CCDC172: variants seen among roughly 807,000 people sequenced by gnomAD.
CCDC172 encodes the protein coiled-coil domain-containing protein 172.
CCDC172 carries 30 observed loss-of-function variants against 38.0 expected under a neutral mutation model. That is an observed-to-expected ratio of 0.79 (90% CI 0.59 to 1.07). The LOEUF is 1.07. CCDC172 is among the 50% of genes least tolerant of loss of function. The pLI, the probability that CCDC172 is intolerant of heterozygous loss-of-function variation, is 0.00. For synonymous variants in CCDC172, 78 were observed against 88.3 expected (o/e 0.88, Z 0.66); for missense variants, 297 against 290.1 (o/e 1.02, Z -0.17).
chr10:116,360,668 A>G (rs1161647945), intron 7 of CCDC172, among the ~76,000 whole-genome samples: 1 of 152,086 alleles, frequency 6.6e-6, no homozygotes. Context: ...TGGAAAGGCA[A>G]ACTGGGAAAT....
intron 2 of CCDC172, 81 bp downstream of exon 2, chr10:116,325,171 A>G: frequency 1.3e-6 from 2 of 1,527,422 alleles, no homozygotes; most frequent in South Asian, 1.1e-5. Context: ...TCCCGAAGGC[A>G]GTGGTCAGAG....
intron 5 of CCDC172, among the ~76,000 whole-genome samples, chr10:116,343,501 T>C (rs1277051416): frequency 6.9e-6 from 1 of 144,474 alleles, no homozygotes; most frequent in East Asian, 2.0e-4. Flanking sequence ...CCTATTTCCC[T>C]TCTCTGATCA....
At chr10:116,354,610 G>A (rs932394466) in intron 5 of CCDC172, among the ~76,000 whole-genome samples, 8 of 152,250 alleles carry the variant, frequency 5.3e-5, no homozygotes, top group East Asian at 1.9e-4. Flanking sequence ...TGTAGTCCCA[G>A]CTACTTGGGA....
At chr10:116,325,143 G>T (rs1047759572) in intron 2 of CCDC172, 53 bp downstream of exon 2, 40 of 1,574,782 alleles carry the variant, frequency 2.5e-5, no homozygotes, top group Non-Finnish European at 2.4e-5. Context: ...GATGCTGGGT[G>T]CTTGGAGCAG....
chr10:116,333,286 T>G (rs1844688858), intron 3 of CCDC172, among the ~76,000 whole-genome samples: 2 of 152,160 alleles, frequency 1.3e-5, no homozygotes, highest in Admixed American at 6.6e-5. Context: ...CTGTTCTCAT[T>G]TTCTTGAATA....
rs868051108 is a variant in CCDC172, at chr10:116,342,060, G to A, written c.307G>A (p.Glu103Lys). Residue 103 changes from glutamate (E) to lysine (K), a missense_variant, in exon 5 of 9, where the codon GAG (glutamate) becomes AAG (lysine). Physicochemically the swap from Glu to Lys is moderately conservative, Grantham distance 56. Transcript: ENST00000333254. ...TFEAIKKQMI[E>K]EEDKFIKEIT... ...GGAGGCTATAAAGAAACAAATGATAGAGGAGGAAGACAAATTTATTAAGGA... is the reference window on the plus strand; with the variant it reads ...GGAGGCTATAAAGAAACAAATGATAAAGGAGGAAGACAAATTTATTAAGGA... 6.6e-7 allele frequency: 1 copy of A among 1,521,098 alleles called. No individual in the cohort carries two copies. 94.2% of individuals were successfully genotyped at this position (1,521,098 alleles called of 1,614,324 possible). A position where few individuals can be genotyped will look rare whatever the true frequency, so the allele number is the denominator to read the frequency against.
chr10:116,340,677 T>A, intron 3 of CCDC172, 57 bp from the exon 4 acceptor site: 1 of 802,792 alleles, frequency 1.2e-6, no homozygotes, highest in Non-Finnish European at 2.1e-6. Context: ...TTACCTAAGG[T>A]ACTCTAAAAT....
At chr10:116,337,852 T>C (rs1844749871) in intron 3 of CCDC172, among the ~76,000 whole-genome samples, 1 of 152,220 alleles carries the variant, frequency 6.6e-6, no homozygotes, top group Non-Finnish European at 1.5e-5. Context: ...TTCAGGGTTA[T>C]ATTTCGAATA....
Position 116,342,187 on chromosome 10 carries a change from AC to A in CCDC172, c.435del (p.Asn145LysfsTer3). The part of the protein sequence containing the change: ...IEISDLENQA[N>X]MLKSEMKSME... ...ATATCTGACTTAGAAAACCAAGCAA[AC>A]ATGTTGAAAAGTGGTATGAATAAAT... On this transcript the variant is annotated frameshift_variant, in exon 5 of 9. Transcript: ENST00000333254. LOFTEE classifies it high-confidence loss of function. The A allele has an allele frequency of 6.5e-7, 1 of 1,530,298 alleles. No homozygotes were observed. Among genetic ancestry groups the A allele is most frequent in the Non-Finnish European group, 8.7e-7 (1 of 1,149,870 alleles). 94.8% of individuals were successfully genotyped at this position (1,530,298 alleles called of 1,614,324 possible).
chr10:116,379,170 T>C (rs1461194550), intron 8 of CCDC172, among the ~76,000 whole-genome samples, 153 bp from the exon 9 acceptor site: 1 of 151,606 alleles, frequency 6.6e-6, no homozygotes, highest in Admixed American at 6.6e-5. Flanking sequence ...AAAAAATGTT[T>C]CAATAAGTTA....
intron 7 of CCDC172, among the ~76,000 whole-genome samples, chr10:116,367,188 A>G (rs573921019): frequency 6.6e-5 from 10 of 152,252 alleles, no homozygotes; most frequent in Middle Eastern, 3.4e-3. Flanking sequence ...TTTTATAGTT[A>G]GCATTTTTGT....
At chr10:116,325,455 T>C (rs1233747372) in intron 3 of CCDC172, 67 bp downstream of exon 3, 4 of 1,239,160 alleles carry the variant, frequency 3.2e-6, no homozygotes, top group Non-Finnish European at 4.6e-6. Flanking sequence ...TTTTGGGGGA[T>C]ATTTCAGTGT....
intron 3 of CCDC172, among the ~76,000 whole-genome samples, chr10:116,340,183 A>G (rs975343259): frequency 6.6e-6 from 1 of 151,952 alleles, no homozygotes; most frequent in East Asian, 1.9e-4. Context: ...AACCAAATGA[A>G]GTATTAAAAT....
chr10:116,352,277 A>T (rs540023286), intron 5 of CCDC172, among the ~76,000 whole-genome samples: 1 of 152,334 alleles, frequency 6.6e-6, no homozygotes, highest in Non-Finnish European at 1.5e-5. Context: ...AACATCCTTT[A>T]TGGGAAGACA....
intron 7 of CCDC172, among the ~76,000 whole-genome samples, chr10:116,365,051 A>G (rs1461606019): frequency 6.6e-6 from 1 of 152,178 alleles, no homozygotes; most frequent in Non-Finnish European, 1.5e-5. Flanking sequence ...AAGTGCCCTT[A>G]GTTCAGTGAG....
At chr10:116,359,269 A>G (rs1845036284) in intron 7 of CCDC172, among the ~76,000 whole-genome samples, 1 of 152,206 alleles carries the variant, frequency 6.6e-6, no homozygotes, top group African/African-American at 2.4e-5. Context: ...AAAAACAATA[A>G]GACATTGATT....
chr10:116,374,804 G>A (rs1320278954), intron 7 of CCDC172, among the ~76,000 whole-genome samples: 4 of 150,750 alleles, frequency 2.7e-5, no homozygotes, highest in Non-Finnish European at 5.9e-5. Context: ...CCAAGTAAAA[G>A]ACAGATTATT....
At position 116,340,388 on chromosome 10, in the gene CCDC172, AAAAC is replaced by A. The variant is rs1844777163; in HGVS notation, c.166-340_166-337del. On this transcript the variant is annotated intron_variant, in intron 3 of 8. Transcript: ENST00000333254. ...TGTGAAAATAGAAACTTATTATCTA[AAAAC>A]AAACAGTCTTAAAGCAGATTTCAAT... is the stretch of plus-strand genomic sequence containing the variant. Among the ~76,000 whole-genome samples, 4 of 151,878 alleles carry A rather than the reference AAAAC, an allele frequency of 2.6e-5. No individual in the cohort carries two copies. The South Asian group carries it at 8.3e-4, about 32-fold the overall frequency.
intron 5 of CCDC172, among the ~76,000 whole-genome samples, chr10:116,342,799 A>G (rs1411259829): frequency 6.6e-6 from 1 of 151,982 alleles, no homozygotes; most frequent in Non-Finnish European, 1.5e-5. Flanking sequence ...TGGTTGTTTA[A>G]AAGTATGTAG....
Sources: allele counts gnomAD v4.1 joint callset (sites outside exome capture counted in the v4.1 genomes callset), GRCh38; gene constraint gnomAD v4.1.1; transcripts MANE v1.5; gene names NCBI Gene and HGNC (gene_info 2026-07-23, HGNC 2026-07-21).